SLA: variants seen among roughly 807,000 people sequenced by gnomAD.
SLA encodes Src like adaptor, also known as src-like-adapter.
In SLA, 16 loss-of-function variants were observed where a neutral mutation model predicts 30.3. The ratio of observed to expected loss-of-function variants is 0.53; its 90% confidence interval spans 0.36 to 0.80. The LOEUF is 0.80. SLA is among the 30% of genes least tolerant of loss of function. The pLI, the probability that SLA is intolerant of heterozygous loss-of-function variation, is 0.01. For missense variants in SLA, 310 were observed against 345.2 expected (o/e 0.90, Z 0.81); for synonymous variants, 143 against 137.8 (o/e 1.04, Z -0.26).
chr8:133,079,379 C>G (rs1340625207), intron 1 of SLA, among the ~76,000 whole-genome samples: 1 of 152,246 alleles, frequency 6.6e-6, no homozygotes, highest in Non-Finnish European at 1.5e-5. Context: ...AAGTACTACG[C>G]TGTGGTCATC....
chr8:133,042,087 G>C (rs1394693583), intron 7 of SLA, among the ~76,000 whole-genome samples: 2 of 151,942 alleles, frequency 1.3e-5, no homozygotes, highest in East Asian at 3.9e-4. Flanking sequence ...ACACCCGGCT[G>C]TCAGTGTTTT....
At chr8:133,053,356 C>A (rs568448654) in intron 3 of SLA, among the ~76,000 whole-genome samples, 150 of 152,332 alleles carry the variant, frequency 9.8e-4, no homozygotes, top group African/African-American at 3.5e-3. Flanking sequence ...TGTCTGTAGC[C>A]TGTGCCACAC....
intron 2 of SLA, among the ~76,000 whole-genome samples, chr8:133,067,919 G>GGAAGGAAGGAGGA (rs1587972683): frequency 1.2e-5 from 1 of 85,828 alleles, no homozygotes; most frequent in African/African-American, 3.6e-5. Context: ...AGGAAGGAAA[G>GGAAGGAAGGAGGA]AGAGAGAGAG....
chr8:133,101,091 T>A (rs1849183420), intron 1 of SLA, among the ~76,000 whole-genome samples: 1 of 151,782 alleles, frequency 6.6e-6, no homozygotes, highest in South Asian at 2.1e-4. Context: ...GTGGGGAGGG[T>A]GGCGGGTGGC....
intron 1 of SLA, among the ~76,000 whole-genome samples, chr8:133,083,607 A>G (rs1285185754): frequency 6.6e-6 from 1 of 152,208 alleles, no homozygotes; most frequent in East Asian, 1.9e-4. Flanking sequence ...GACCCAGAGA[A>G]TGAAGCCAAT....
chr8:133,094,462 G>A (rs757803257), intron 1 of SLA, among the ~76,000 whole-genome samples: 20 of 151,980 alleles, frequency 1.3e-4, no homozygotes, highest in African/African-American at 2.9e-4. Flanking sequence ...GGATGGTCTC[G>A]ATCTCCTGAC....
At chr8:133,099,410 G>C (rs1301206292) in intron 1 of SLA, among the ~76,000 whole-genome samples, 2 of 152,232 alleles carry the variant, frequency 1.3e-5, no homozygotes, top group African/African-American at 4.8e-5. Flanking sequence ...TGCAGCAGGA[G>C]AGTAGTGACG....
In SLA at chr8:133,039,979, A is replaced by ACACG; in HGVS notation, c.617+18_617+19insCGTG. On this transcript the variant is annotated intron_variant, in intron 8 of 8. Coordinates refer to ENST00000338087, the MANE Select transcript of SLA (RefSeq NM_001045556.3). ...CACACACACACACACACACACACACATACACACACCATACTCACCTGGACA... is the reference window on the plus strand; with the variant it reads ...CACACACACACACACACACACACACACACGTACACACACCATACTCACCTGGACA... 1 of 833,428 alleles carries ACACG rather than the reference A, an allele frequency of 1.2e-6. No homozygotes were observed. Among genetic ancestry groups the ACACG allele is most frequent in the Non-Finnish European group, 1.5e-6 (1 of 652,982 alleles). The allele number at this position is 833,428 out of a possible 1,614,324, so 51.6% of individuals were successfully genotyped here.
intron 2 of SLA, 185 bp from the exon 3 acceptor site, chr8:133,060,385 T>C: frequency 6.6e-7 from 1 of 1,523,628 alleles, no homozygotes; most frequent in Admixed American, 2.3e-5. Flanking sequence ...AGTTCTTTTA[T>C]CAAGGGAATG....
intron 1 of SLA, among the ~76,000 whole-genome samples, chr8:133,093,914 C>G (rs548869874): frequency 6.6e-6 from 1 of 152,190 alleles, no homozygotes; most frequent in African/African-American, 2.4e-5. Context: ...TAGGGAACCT[C>G]TTGAGTGAGT....
At chr8:133,070,026 A>C in intron 2 of SLA, among the ~76,000 whole-genome samples, 1 of 52,282 alleles carries the variant, frequency 1.9e-5, no homozygotes, top group Non-Finnish European at 4.8e-5. Flanking sequence ...AAAAAAAAAA[A>C]GAAAGAAAGA....
intron 7 of SLA, among the ~76,000 whole-genome samples, chr8:133,043,158 A>T (rs1291837232): frequency 6.6e-6 from 1 of 152,140 alleles, no homozygotes; most frequent in Non-Finnish European, 1.5e-5. Flanking sequence ...ATGACCAGGA[A>T]CATACTGCGG....
chr8:133,037,680 T>C lies in SLA; in HGVS notation c.*844A>G, dbSNP rs1466711597. On this transcript the variant is annotated 3_prime_UTR_variant, in exon 9 of 9. Transcript: ENST00000338087. ...CTTGCCTGACACCTTACAGAGGACT[T>C]AATGCAATGCCTATTCGGGCAATAA... 6.6e-6 allele frequency: 1 copy of C among 152,068 alleles called. No individual in the cohort carries two copies. The highest frequency in any genetic ancestry group is 1.5e-5 in the Non-Finnish European group (1 of 68,012). 9.4% of individuals were successfully genotyped at this position (152,068 alleles called of 1,614,324 possible).
chr8:133,094,263 T>C (rs7013643), intron 1 of SLA, among the ~76,000 whole-genome samples: 103,916 of 143,882 alleles, frequency 0.72, 37,971 homozygotes, highest in African/African-American at 0.76. Context: ...TTTTTTTTGA[T>C]GGAGTCTTGC....
chr8:133,054,583 C>T (rs1053322067), intron 3 of SLA, among the ~76,000 whole-genome samples: 11 of 152,108 alleles, frequency 7.2e-5, no homozygotes, highest in African/African-American at 1.9e-4. Flanking sequence ...TCATGGAGAG[C>T]GGGGTCACCA....
At chr8:133,095,030 G>T (rs889900498) in intron 1 of SLA, 1 of 1,613,018 alleles carries the variant, frequency 6.2e-7, no homozygotes, top group South Asian at 1.1e-5. Context: ...CCCTGAGCCT[G>T]CTTTCTCTTC....
intron 1 of SLA, among the ~76,000 whole-genome samples, chr8:133,091,969 G>A (rs1053373557): frequency 1.1e-4 from 16 of 152,122 alleles, no homozygotes; most frequent in South Asian, 2.1e-4. Flanking sequence ...GTCTGTGCAC[G>A]TAAGCATATG....
chr8:133,094,198 G>T (rs1008690100), intron 1 of SLA, among the ~76,000 whole-genome samples: 4 of 151,370 alleles, frequency 2.6e-5, no homozygotes, highest in African/African-American at 9.7e-5. Flanking sequence ...CTGGAACCCA[G>T]CTCCTACCAC....
chr8:133,044,026 TC>T (rs141323341), intron 7 of SLA, among the ~76,000 whole-genome samples: 25 of 152,258 alleles, frequency 1.6e-4, no homozygotes, highest in Non-Finnish European at 3.1e-4. Context: ...ACTCTGTGGA[TC>T]CTCACGGTGT....
Sources: gnomAD v4.1 joint callset for allele counts (sites outside exome capture counted in the v4.1 genomes callset) on GRCh38, gnomAD v4.1.1 for gene constraint, MANE v1.5 for transcripts, NCBI Gene and HGNC (gene_info 2026-07-23, HGNC 2026-07-21) for gene names.